Variants in FLT3 observed in about 807,000 individuals in gnomAD.
FLT3 encodes fms related receptor tyrosine kinase 3, also known as receptor-type tyrosine-protein kinase FLT3.
A neutral mutation model predicts 126.6 loss-of-function variants in FLT3; 46 were observed. The observed-to-expected ratio is 0.36, with a 90% CI of 0.29 to 0.46. The LOEUF is 0.46. Ranked by LOEUF, FLT3 falls within the 20% of genes least tolerant of loss-of-function variation. FLT3 has a pLI of 1.00. For missense variants in FLT3, 1,069 were observed against 1,190.3 expected (o/e 0.90, Z 1.50); for synonymous variants, 404 against 434.4 (o/e 0.93, Z 0.87).
At chr13:28,019,619 A>C (rs1348635671) in intron 19 of FLT3, among the ~76,000 whole-genome samples, 1 of 152,052 alleles carries the variant, frequency 6.6e-6, no homozygotes, top group Non-Finnish European at 1.5e-5. Flanking sequence ...ATCTACCTGC[A>C]CTTTGCCCAC....
intron 19 of FLT3, among the ~76,000 whole-genome samples, chr13:28,018,804 G>A (rs1011907408): frequency 1.3e-5 from 2 of 152,086 alleles, no homozygotes; most frequent in Admixed American, 1.3e-4. Flanking sequence ...TTCTTTGTGC[G>A]GCTTCTGAAG....
At chr13:28,067,493 G>A (rs1217910230) in intron 2 of FLT3, 1 of 153,888 alleles carries the variant, frequency 6.5e-6, no homozygotes, top group Non-Finnish European at 1.4e-5. Context: ...AGGAGCCAAG[G>A]GATGTTCTTG....
intron 20 of FLT3, among the ~76,000 whole-genome samples, chr13:28,016,538 G>C (rs1186882718): frequency 2.0e-5 from 3 of 152,078 alleles, no homozygotes; most frequent in Non-Finnish European, 4.4e-5. Flanking sequence ...CAAAGTGCTG[G>C]GATTACAGCT....
chr13:28,039,548 C>CTTT (rs10564719), intron 9 of FLT3, among the ~76,000 whole-genome samples: 10 of 120,684 alleles, frequency 8.3e-5, no homozygotes, highest in South Asian at 2.7e-4. Context: ...TGCAATAAAA[C>CTTT]TTTTTTTTTT....
intron 23 of FLT3, among the ~76,000 whole-genome samples, chr13:28,007,217 C>A (rs973462211): frequency 6.6e-6 from 1 of 151,848 alleles, no homozygotes; most frequent in East Asian, 1.9e-4. Flanking sequence ...CCTTAGTTAT[C>A]GTTTCCTTTT....
chr13:28,095,836 T>C (rs1446787407), intron 1 of FLT3, among the ~76,000 whole-genome samples: 3 of 152,078 alleles, frequency 2.0e-5, no homozygotes, highest in African/African-American at 7.2e-5. Context: ...CGTGGATATG[T>C]TGTTGAAGCC....
At chr13:28,069,501 T>C (rs1471370897) in intron 2 of FLT3, among the ~76,000 whole-genome samples, 2 of 152,002 alleles carry the variant, frequency 1.3e-5, no homozygotes, top group Non-Finnish European at 2.9e-5. Context: ...AAATGGAAAA[T>C]CTACCTATAT....
intron 17 of FLT3, among the ~76,000 whole-genome samples, chr13:28,026,123 G>T (rs982410049): frequency 1.3e-5 from 2 of 152,068 alleles, no homozygotes; most frequent in African/African-American, 4.8e-5. Flanking sequence ...GGCCTAGGTG[G>T]GTGGATCAAC....
Position 28,015,647 on chromosome 13 carries a change from T to A in FLT3, c.2596A>T (p.Thr866Ser), listed in dbSNP as rs201398123. 1 of 1,613,660 alleles carries A rather than the reference T, an allele frequency of 6.2e-7. No individual in the cohort carries two copies. Among genetic ancestry groups the A allele is most frequent in the Non-Finnish European group, 8.5e-7 (1 of 1,179,812 alleles). ...APESLFEGIY[T>S]IKSDVWSYGI... ...TATGACCAGACATCACTCTTAATGG[T>A]GTAGATGCCTTCAAACAGGCTTTCG... Residue 866 changes from threonine (T) to serine (S), a missense_variant, in exon 21 of 24, where the codon ACC (threonine) becomes TCC (serine). By Grantham distance (58) the Thr-to-Ser change is moderately conservative. Transcript: ENST00000241453.
At chr13:28,016,760 A>G (rs1871900799) in intron 20 of FLT3, among the ~76,000 whole-genome samples, 1 of 152,210 alleles carries the variant, frequency 6.6e-6, no homozygotes, top group Non-Finnish European at 1.5e-5. Flanking sequence ...TCACTTTCCC[A>G]CATAAGAGAC....
chr13:28,077,029 AAGAG>A (rs34403610), intron 1 of FLT3, among the ~76,000 whole-genome samples: 18 of 138,158 alleles, frequency 1.3e-4, no homozygotes, highest in East Asian at 2.2e-4. Context: ...AAGGAAAAGA[AAGAG>A]AGAGAGAGAG....
intron 2 of FLT3, among the ~76,000 whole-genome samples, chr13:28,069,436 G>C (rs960628839): frequency 6.6e-6 from 1 of 152,130 alleles, no homozygotes; most frequent in Non-Finnish European, 1.5e-5. Flanking sequence ...ATAAGAGCAG[G>C]CTTGGGGAAA....
rs1427837299 is a variant in FLT3, at chr13:28,049,726, A to G, written c.791T>C (p.Val264Ala). ...QTTLPQLFLKVGEPLWIRCKA... is the reference protein window; with the variant it reads ...QTTLPQLFLKAGEPLWIRCKA... ...GCACCTTATCCATAAGGGTTCCCCT[A>G]CTTTAAGAAATAATTGTGGCAATGT... The change falls in exon 7 of 24, where the codon GTA (valine) becomes GCA (alanine). Residue 264 changes from valine (V) to alanine (A), a missense_variant. By Grantham distance (64) the Val-to-Ala change is moderately conservative. Transcript: ENST00000241453. The G allele has an allele frequency of 2.5e-6, 4 of 1,614,126 alleles. No homozygotes were observed. Among genetic ancestry groups the G allele is most frequent in the Non-Finnish European group, 3.4e-6 (4 of 1,179,976 alleles).
Position 28,100,246 on chromosome 13 carries a change from G to A in FLT3, c.43+222C>T, listed in dbSNP as rs1217700238. ...CCCGAGCCAGAGGAGAGACTTCGGA[G>A]AAGAGGGAAGAGGACGCGGGGTGGG... is the stretch of plus-strand genomic sequence containing the variant. On this transcript the variant is annotated intron_variant, in intron 1 of 23. Coordinates refer to ENST00000241453, the MANE Select transcript of FLT3 (RefSeq NM_004119.3). This position sits in a 1 kb window ranked among gnomAD's most constrained non-coding sequence, Gnocchi z 4.8. Among the ~76,000 whole-genome samples, 2 of 152,142 alleles carry A rather than the reference G, an allele frequency of 1.3e-5. No individual in the cohort carries two copies. The highest frequency in any genetic ancestry group is 2.9e-5 in the Non-Finnish European group (2 of 68,020).
In FLT3 at chr13:28,033,989, T is replaced by C. The variant is rs774881420; in HGVS notation, c.1840A>G (p.Lys614Glu). ...EFPRENLEFG[K>E]VLGSGAFGKV... The stretch of plus-strand genomic sequence containing the variant: ...CCAAAAGCACCTGATCCTAGTACCT[T>C]CCCTGCAAAGACAAATGGTGAGTAC... The change falls in exon 15 of 24, where the codon AAG becomes GAG. Residue 614 changes from lysine to glutamate, a missense_variant and splice_region_variant. Transcript: ENST00000241453. The C allele has an allele frequency of 5.0e-6, 8 of 1,614,066 alleles. No individual in the cohort carries two copies. Among genetic ancestry groups the C allele is most frequent in the Non-Finnish European group, 6.8e-6 (8 of 1,179,914 alleles).
At chr13:28,047,276 C>A (rs1013922191) in intron 9 of FLT3, among the ~76,000 whole-genome samples, 16 of 152,122 alleles carry the variant, frequency 1.1e-4, no homozygotes, top group African/African-American at 3.6e-4. Context: ...ATAACATGTG[C>A]GTCTCAGTGT....
chr13:28,017,656 TTTG>T (rs932525644), intron 20 of FLT3, among the ~76,000 whole-genome samples: 1 of 147,160 alleles, frequency 6.8e-6, no homozygotes, highest in Non-Finnish European at 1.5e-5. Context: ...CACTGTTTTT[TTTG>T]TTGTTGTTTT....
At chr13:28,092,486 C>T (rs1054110931) in intron 1 of FLT3, among the ~76,000 whole-genome samples, 1 of 152,108 alleles carries the variant, frequency 6.6e-6, no homozygotes, top group African/African-American at 2.4e-5. Flanking sequence ...CCTGCCTCAG[C>T]CTCCAGAGTG....
chr13:28,095,092 C>T (rs1223503701), intron 1 of FLT3, among the ~76,000 whole-genome samples: 1 of 152,122 alleles, frequency 6.6e-6, no homozygotes, highest in South Asian at 2.1e-4. Flanking sequence ...CACAAAGTCT[C>T]CTGATAAAAA....
Sources: allele counts gnomAD v4.1 joint callset (sites outside exome capture counted in the v4.1 genomes callset), GRCh38; gene constraint gnomAD v4.1.1; non-coding constraint Gnocchi (gnomAD v3.1); transcripts MANE v1.5; gene names NCBI Gene and HGNC (gene_info 2026-07-23, HGNC 2026-07-21).